Variants in KIF13B observed in about 807,000 individuals in gnomAD.
The protein encoded by KIF13B is kinesin-like protein KIF13B.
In KIF13B, 127 loss-of-function variants were observed where a neutral mutation model predicts 222.0. The observed-to-expected ratio is 0.57, with a 90% CI of 0.50 to 0.66. The LOEUF (loss-of-function observed/expected upper bound fraction) is 0.66. Among genes scored for constraint, KIF13B ranks in the 30% least tolerant of loss-of-function variants. The pLI, the probability that KIF13B is intolerant of heterozygous loss-of-function variation, is 0.00. For missense variants in KIF13B, 2,173 were observed against 2,379.0 expected (o/e 0.91, Z 1.80); for synonymous variants, 976 against 919.0 (o/e 1.06, Z -1.12).
At chr8:29,203,892 CAAAA>C (rs11432771) in intron 2 of KIF13B, among the ~76,000 whole-genome samples, 34 of 66,182 alleles carry the variant, frequency 5.1e-4, no homozygotes, top group Middle Eastern at 0.01. Context: ...AGTTCCGTCT[CAAAA>C]AAAAAAAAAA....
intron 2 of KIF13B, among the ~76,000 whole-genome samples, chr8:29,238,869 G>T (rs1275413042): frequency 6.6e-6 from 1 of 151,950 alleles, no homozygotes; most frequent in Non-Finnish European, 1.5e-5. Context: ...GGGGTGGAGA[G>T]GACAAAAAAA....
At chr8:29,242,324 T>C (rs1815819483) in intron 2 of KIF13B, among the ~76,000 whole-genome samples, 1 of 152,170 alleles carries the variant, frequency 6.6e-6, no homozygotes, top group African/African-American at 2.4e-5. Context: ...TGACAGGCAT[T>C]AATGTTTTAT....
Position 29,136,795 on chromosome 8 carries a change from G to GTT in KIF13B, c.2614-2587_2614-2586dup, listed in dbSNP as rs1203051867. ...ATGAAATGAAAGAGACCTGTAACAGGTTTTTTTTTTTTTTTTTTTTTTGAG... is the reference window on the plus strand; with the variant it reads ...ATGAAATGAAAGAGACCTGTAACAGGTTTTTTTTTTTTTTTTTTTTTTTTGAG... On this transcript the variant is annotated intron_variant, in intron 21 of 39. Transcript: ENST00000524189. Among the ~76,000 whole-genome samples the GTT allele has an allele frequency of 1.2e-3, 143 of 116,802 alleles. 1 individual carries two copies. Among genetic ancestry groups the GTT allele is most frequent in the African/African-American group, 1.3e-3 (40 of 30,518 alleles). The allele number at this position is 116,802 out of a possible 152,430, so 76.6% of individuals were successfully genotyped here.
intron 2 of KIF13B, among the ~76,000 whole-genome samples, chr8:29,210,094 T>C (rs947851042): frequency 2.0e-5 from 3 of 149,570 alleles, no homozygotes; most frequent in Non-Finnish European, 3.0e-5. Flanking sequence ...ATCCACCACA[T>C]GAGAGCAGGA....
At chr8:29,085,849 C>CAAAAAAAAA (rs752162185) in intron 37 of KIF13B, among the ~76,000 whole-genome samples, 1 of 67,368 alleles carries the variant, frequency 1.5e-5, no homozygotes, top group African/African-American at 4.8e-5. Context: ...GAGCCCGTAA[C>CAAAAAAAAA]AAAAAAAAAA....
At chr8:29,236,188 A>G (rs1045348751) in intron 2 of KIF13B, among the ~76,000 whole-genome samples, 6 of 152,172 alleles carry the variant, frequency 3.9e-5, no homozygotes, top group African/African-American at 1.4e-4. Context: ...CCACCTCACT[A>G]TATTTTTTTC....
intron 29 of KIF13B, among the ~76,000 whole-genome samples, chr8:29,120,364 A>G (rs1809810781): frequency 1.1e-5 from 1 of 92,846 alleles, no homozygotes; most frequent in Non-Finnish European, 2.2e-5. Flanking sequence ...AGAGTGTGAT[A>G]TTCCCCTTCC....
intron 1 of KIF13B, among the ~76,000 whole-genome samples, chr8:29,252,920 T>C (rs1335852582): frequency 6.6e-6 from 1 of 152,186 alleles, no homozygotes; most frequent in Non-Finnish European, 1.5e-5. Flanking sequence ...AAAAGAGATA[T>C]ATAAAATAAC....
At chr8:29,167,289 C>T (rs1812045432) in intron 11 of KIF13B, 84 bp downstream of exon 11, 4 of 1,160,778 alleles carry the variant, frequency 3.4e-6, no homozygotes, top group Non-Finnish European at 5.0e-6. Context: ...GTACTCATCC[C>T]TCACAGCCCA....
chr8:29,148,544 A>T (rs1375238703), intron 16 of KIF13B, 33 bp downstream of exon 16: 1 of 1,507,816 alleles, frequency 6.6e-7, no homozygotes, highest in Non-Finnish European at 8.9e-7. Context: ...ACCAACTGGA[A>T]CTGATTCTCA....
intron 2 of KIF13B, among the ~76,000 whole-genome samples, chr8:29,226,255 T>C (rs1244339295): frequency 1.3e-5 from 2 of 152,118 alleles, no homozygotes; most frequent in Non-Finnish European, 2.9e-5. Context: ...TGAACTTACA[T>C]GACTGTCTGG....
At position 29,130,578 on chromosome 8, in the gene KIF13B, A is replaced by G; in HGVS notation, c.3030T>C (p.Ile1010=). The G allele has an allele frequency of 6.2e-7, 1 of 1,613,812 alleles. No individual in the cohort carries two copies. Among genetic ancestry groups the G allele is most frequent in the Non-Finnish European group, 8.5e-7 (1 of 1,179,726 alleles). Residue 1010 remains isoleucine (I), a synonymous_variant, in exon 24 of 40, where the codon ATT becomes ATC. Transcript: ENST00000524189. The part of the protein sequence containing the change: ...ENGEYCPVEV[I]SAKDVPTGGI... ...CTCCTGTTGGGACATCCTTTGCAGA[A>G]ATCACTTCTACAGGGCAGTATTCAC...
intron 1 of KIF13B, among the ~76,000 whole-genome samples, chr8:29,255,063 T>C (rs1278363758): frequency 6.6e-6 from 1 of 152,226 alleles, no homozygotes; most frequent in African/African-American, 2.4e-5. Flanking sequence ...TAGGATTCCA[T>C]GTATTAAATG....
chr8:29,223,405 A>T (rs1814858467), intron 2 of KIF13B, among the ~76,000 whole-genome samples: 3 of 151,906 alleles, frequency 2.0e-5, no homozygotes, highest in African/African-American at 4.8e-5. Context: ...TTTAAAATTC[A>T]AACAAAAGTT....
intron 2 of KIF13B, among the ~76,000 whole-genome samples, chr8:29,196,524 A>G (rs1813429950): frequency 6.6e-6 from 1 of 152,116 alleles, no homozygotes; most frequent in Non-Finnish European, 1.5e-5. Context: ...TTATAAATAT[A>G]TATTTTTTAA....
At chr8:29,228,422 G>A (rs987883430) in intron 2 of KIF13B, among the ~76,000 whole-genome samples, 1 of 144,992 alleles carries the variant, frequency 6.9e-6, no homozygotes, top group African/African-American at 2.6e-5. Flanking sequence ...AGCCAAGATC[G>A]CGCCACTGCA....
chr8:29,191,223 GAT>G (rs1450217884), intron 3 of KIF13B, among the ~76,000 whole-genome samples, 166 bp from the exon 4 acceptor site: 2 of 152,168 alleles, frequency 1.3e-5, no homozygotes, highest in Admixed American at 6.5e-5. Context: ...TGCTATAGGT[GAT>G]ATGACTCTAT....
chr8:29,246,859 G>A (rs1005711546), intron 1 of KIF13B, among the ~76,000 whole-genome samples: 5 of 152,162 alleles, frequency 3.3e-5, no homozygotes, highest in African/African-American at 1.2e-4. Context: ...AGAAAGAATA[G>A]TCTTTTCAAC....
intron 37 of KIF13B, among the ~76,000 whole-genome samples, chr8:29,081,873 G>A (rs1807830807): frequency 6.6e-6 from 1 of 152,148 alleles, no homozygotes; most frequent in Admixed American, 6.6e-5. Context: ...GTACTTCATT[G>A]GAATTTTGTG....
Sources: gnomAD v4.1 joint callset for allele counts (sites outside exome capture counted in the v4.1 genomes callset) on GRCh38, gnomAD v4.1.1 for gene constraint, MANE v1.5 for transcripts, NCBI Gene and HGNC (gene_info 2026-07-23, HGNC 2026-07-21) for gene names.